Variants in CELF2 observed in about 807,000 individuals in gnomAD.
CELF2 encodes the protein CUG triplet repeat RNA-binding protein 2.
CELF2 carries 8 observed loss-of-function variants against 62.6 expected under a neutral mutation model. The ratio of observed to expected loss-of-function variants is 0.13; its 90% CI spans 0.07 to 0.23. The LOEUF (loss-of-function observed/expected upper bound fraction) is 0.23. Among genes scored for constraint, CELF2 ranks in the 10% least tolerant of loss-of-function variants. CELF2 has a pLI of 1.00. For synonymous variants in CELF2, 258 were observed against 250.0 expected (o/e 1.03, Z -0.30); for missense variants, 333 against 671.0 (o/e 0.50, Z 5.56).
intron 1 of CELF2, among the ~76,000 whole-genome samples, chr10:11,119,259 G>A (rs2057223832): frequency 6.6e-6 from 1 of 152,172 alleles, no homozygotes; most frequent in South Asian, 2.1e-4. Context: ...ATAAAATAGA[G>A]CAATAAATTC....
Position 10,831,069 on chromosome 10 carries a change from G to T in CELF2, c.53+32252G>T, listed in dbSNP as rs572667530. ...TGCCTAAATTAAACCAAAAAGTGCT[G>T]GAAATGGGCAATGGTGGAATCCTAG... On this transcript the variant is annotated intron_variant, in intron 1 of 13. Coordinates refer to the CELF2 transcript ENST00000636488. Among the ~76,000 whole-genome samples, 15 of 152,302 alleles carry T rather than the reference G, an allele frequency of 9.8e-5. No individual in the cohort carries two copies. In the South Asian group the frequency reaches 3.1e-3, roughly 32 times the overall value.
At chr10:10,551,929 A>G in the CELF2 span, among the ~76,000 whole-genome samples, 1 of 151,674 alleles carries the variant, frequency 6.6e-6, no homozygotes, top group Admixed American at 6.6e-5. Flanking sequence ...TTCACTACAA[A>G]GCTCTGTAAT....
chr10:10,551,344 C>T, the CELF2 span, among the ~76,000 whole-genome samples: 2 of 152,010 alleles, frequency 1.3e-5, no homozygotes, highest in Admixed American at 6.6e-5. Flanking sequence ...AGGTGTACCC[C>T]GGGGAGGAGA....
chr10:11,040,306 G>C (rs2061607858), intron 1 of CELF2, among the ~76,000 whole-genome samples: 1 of 152,150 alleles, frequency 6.6e-6, no homozygotes, highest in African/African-American at 2.4e-5. Context: ...AAGCAAAATA[G>C]GGTCTCTGTT....
chr10:11,120,359 G>GAAA (rs2057482914), intron 1 of CELF2, among the ~76,000 whole-genome samples: 1 of 152,150 alleles, frequency 6.6e-6, no homozygotes, highest in Admixed American at 6.5e-5. Flanking sequence ...GAAGCAAACA[G>GAAA]AAAAGCTTTG....
rs138033257 is a variant in CELF2, at chr10:11,260,289, G to C, written c.538+2417G>C. On this transcript the variant is annotated intron_variant, in intron 5 of 12. Transcript: ENST00000633077. This position sits in a 1 kb window ranked among gnomAD's most constrained non-coding sequence, Gnocchi z 4.2. The stretch of plus-strand genomic sequence containing the variant: ...CGGGCAGTATGTGTGCTTGATTTCT[G>C]CTCCCCGTCTGCTGGCCTGGCTGAT... 6.6e-6 allele frequency among the ~76,000 whole-genome samples: 1 copy of C among 152,304 alleles called. No homozygotes were observed. Among genetic ancestry groups the C allele is most frequent in the East Asian group, 1.9e-4 (1 of 5,186 alleles).
intron 1 of CELF2, among the ~76,000 whole-genome samples, chr10:11,065,779 T>C (rs1164563473): frequency 1.3e-5 from 2 of 152,062 alleles, no homozygotes; most frequent in East Asian, 1.9e-4. Flanking sequence ...GAAGGTACTA[T>C]GGTCAGGGTG....
the CELF2 span, among the ~76,000 whole-genome samples, chr10:10,780,027 C>A: frequency 5.3e-5 from 8 of 152,204 alleles, no homozygotes; most frequent in African/African-American, 1.9e-4. Context: ...GAGAGATGGA[C>A]TAGTGGGTTC....
intron 1 of CELF2, among the ~76,000 whole-genome samples, chr10:10,899,006 A>C (rs189726272): frequency 4.6e-5 from 7 of 152,354 alleles, no homozygotes; most frequent in Non-Finnish European, 1.5e-5. Context: ...GGTCAAATAC[A>C]TCAAATGGTC....
chr10:10,742,239 A>G, the CELF2 span, among the ~76,000 whole-genome samples: 23,596 of 152,238 alleles, frequency 0.15, 2,103 homozygotes, highest in Non-Finnish European at 0.19. Flanking sequence ...TGTTTCACAT[A>G]AAGTCATAGT....
chr10:11,223,085 G>T lies in CELF2; in HGVS notation c.354+5578G>T, dbSNP rs2065374640. Among the ~76,000 whole-genome samples, 1 of 152,216 alleles carries T rather than the reference G, an allele frequency of 6.6e-6. No homozygotes were observed. The highest frequency in any genetic ancestry group is 2.4e-5 in the African/African-American group (1 of 41,468). Reference sequence around the variant, plus strand: ...ATTTGAGGCTTCACCAACGATCTCAGTTCCTTGGTGTAATTATAATTCTTT... The same window carrying T: ...ATTTGAGGCTTCACCAACGATCTCATTTCCTTGGTGTAATTATAATTCTTT... On this transcript the variant is annotated intron_variant, in intron 3 of 12. Coordinates refer to ENST00000633077, the MANE Select transcript of CELF2 (RefSeq NM_001326342.2). This position sits in a 1 kb window ranked among gnomAD's most constrained non-coding sequence, Gnocchi z 5.1.
At chr10:10,532,744 A>C in the CELF2 span, among the ~76,000 whole-genome samples, 5 of 152,230 alleles carry the variant, frequency 3.3e-5, no homozygotes, top group African/African-American at 1.2e-4. Context: ...TTTGTATTTC[A>C]AAAGGAATGT....
At chr10:10,515,156 C>T in the CELF2 span, among the ~76,000 whole-genome samples, 2 of 152,134 alleles carry the variant, frequency 1.3e-5, no homozygotes, top group Non-Finnish European at 2.9e-5. Flanking sequence ...GGTGACACAC[C>T]CTCAGAGCTA....
intron 9 of CELF2, among the ~76,000 whole-genome samples, chr10:11,293,962 C>T (rs1020904159): frequency 6.6e-6 from 1 of 152,152 alleles, no homozygotes; most frequent in East Asian, 1.9e-4. Context: ...ACCTGTAAGG[C>T]GTGCCTCTGC....
At chr10:10,870,235 A>G (rs1248852135) in intron 1 of CELF2, among the ~76,000 whole-genome samples, 1 of 152,142 alleles carries the variant, frequency 6.6e-6, no homozygotes, top group Non-Finnish European at 1.5e-5. Flanking sequence ...ACTTTAAAAG[A>G]TATGTACGTT....
At chr10:11,121,586 T>A (rs969238654) in intron 1 of CELF2, among the ~76,000 whole-genome samples, 2 of 152,200 alleles carry the variant, frequency 1.3e-5, no homozygotes, top group African/African-American at 4.8e-5. Flanking sequence ...GCACTTCAGG[T>A]GCTCCTGGTC....
At chr10:11,175,079 G>A (rs557825596) in intron 2 of CELF2, among the ~76,000 whole-genome samples, 1 of 151,502 alleles carries the variant, frequency 6.6e-6, no homozygotes, top group South Asian at 2.1e-4. Flanking sequence ...CGCCCCAAAT[G>A]CTAAACGTTC....
In CELF2 at chr10:11,223,854, G is replaced by A. The variant is rs1292349172; in HGVS notation, c.354+6347G>A. ...TTCCATTCTGCAGGCCCAGGCCCCA[G>A]GGCAATGGGAAAGTATATTTTAATG... On this transcript the variant is annotated intron_variant, in intron 3 of 12. Coordinates refer to ENST00000633077, the MANE Select transcript of CELF2 (RefSeq NM_001326342.2). This position sits in a 1 kb window ranked among gnomAD's most constrained non-coding sequence, Gnocchi z 5.1. Among the ~76,000 whole-genome samples, 1 of 152,160 alleles carries A rather than the reference G, an allele frequency of 6.6e-6. No homozygotes were observed. Among genetic ancestry groups the A allele is most frequent in the Non-Finnish European group, 1.5e-5 (1 of 68,028 alleles).
At chr10:11,070,882 C>T (rs1369160265) in intron 1 of CELF2, among the ~76,000 whole-genome samples, 1 of 152,086 alleles carries the variant, frequency 6.6e-6, no homozygotes, top group Non-Finnish European at 1.5e-5. Context: ...CATAGAGATA[C>T]TTGGTAACCT....
Sources: gnomAD v4.1 joint callset for allele counts (sites outside exome capture counted in the v4.1 genomes callset) on GRCh38, gnomAD v4.1.1 for gene constraint, Gnocchi (gnomAD v3.1) non-coding constraint, MANE v1.5 for transcripts, NCBI Gene and HGNC (gene_info 2026-07-23, HGNC 2026-07-21) for gene names.